Variants in CCDC30 observed in about 807,000 individuals in gnomAD.
CCDC30 encodes the protein coiled-coil domain containing 30, also known as coiled-coil domain-containing protein 30.
A neutral mutation model predicts 100.2 loss-of-function variants in CCDC30; 70 were observed. The ratio of observed to expected loss-of-function variants is 0.70; its 90% CI spans 0.58 to 0.85. The LOEUF (loss-of-function observed/expected upper bound fraction) is 0.85. Among genes scored for constraint, CCDC30 ranks in the 40% least tolerant of loss-of-function variants. The pLI is 0.00. For synonymous variants in CCDC30, 233 were observed against 269.5 expected (o/e 0.86, Z 1.33); for missense variants, 652 against 771.2 (o/e 0.85, Z 1.83).
At chr1:42,462,896 A>G (rs140541778), upstream of CCDC30, among the ~76,000 whole-genome samples, 1 of 152,350 alleles carries the variant, frequency 6.6e-6, no homozygotes, top group African/African-American at 2.4e-5. Flanking sequence ...GACACGATCT[A>G]GGCCTAAAAT....
At chr1:42,609,887 A>T (rs1646583758) in intron 10 of CCDC30, among the ~76,000 whole-genome samples, 1 of 152,216 alleles carries the variant, frequency 6.6e-6, no homozygotes. Flanking sequence ...CTCACATAAG[A>T]GACCTAGCAA....
At chr1:42,513,926 G>A (rs1337246064) in intron 6 of CCDC30, among the ~76,000 whole-genome samples, 1 of 152,134 alleles carries the variant, frequency 6.6e-6, no homozygotes, top group Non-Finnish European at 1.5e-5. Flanking sequence ...TGGTGAGAGA[G>A]GGGGAAGGGC....
chr1:42,509,784 A>G (rs1194070117), intron 6 of CCDC30, among the ~76,000 whole-genome samples: 2 of 152,184 alleles, frequency 1.3e-5, no homozygotes, highest in Admixed American at 1.3e-4. Context: ...CTCTTTCATT[A>G]ATTAAAACTT....
intron 6 of CCDC30, among the ~76,000 whole-genome samples, chr1:42,531,130 T>G (rs1019234397): frequency 1.4e-4 from 13 of 92,984 alleles, no homozygotes; most frequent in African/African-American, 4.2e-4. Context: ...GCTGTTTTAG[T>G]AATAGTGAGT....
chr1:42,459,521 T>A, upstream of CCDC30: 1 of 1,200,392 alleles, frequency 8.3e-7, no homozygotes, highest in African/African-American at 1.5e-5. Context: ...CCACTTAAAT[T>A]TAATTCCTTA....
At chr1:42,456,407 A>C in the CCDC30 span, 1 of 823,158 alleles carries the variant, frequency 1.2e-6, no homozygotes, top group East Asian at 2.8e-5. Context: ...GGGGCAGAAC[A>C]ACTACGCATT....
At chr1:42,470,002 C>T (rs1643715422) in intron 1 of CCDC30, among the ~76,000 whole-genome samples, 1 of 152,156 alleles carries the variant, frequency 6.6e-6, no homozygotes, top group African/African-American at 2.4e-5. Flanking sequence ...ATTTTGTTCT[C>T]TATCGGCACT....
chr1:42,610,951 T>C lies in CCDC30; in HGVS notation c.1165-27T>C, dbSNP rs769976957. ...ACATCATACCTTTGTCAGGTCAGAG[T>C]TCTCATTATTTTTCAATGTTTTTCA... On this transcript the variant is annotated intron_variant, in intron 10 of 16. Coordinates refer to ENST00000668663, the Ensembl canonical transcript of CCDC30. The C allele has an allele frequency of 2.5e-5, 30 of 1,196,852 alleles. No homozygotes were observed. In the Middle Eastern group the frequency reaches 7.6e-4, roughly 30 times the overall value. The allele number at this position is 1,196,852 out of a possible 1,614,324, so 74.1% of individuals were successfully genotyped here. A position where few individuals can be genotyped will look rare whatever the true frequency, so the allele number is the denominator to read the frequency against.
intron 10 of CCDC30, among the ~76,000 whole-genome samples, chr1:42,608,702 C>A (rs1646556670): frequency 1.5e-5 from 2 of 136,604 alleles, no homozygotes; most frequent in African/African-American, 5.5e-5. Flanking sequence ...GAGCGCGACT[C>A]CGTCTCTCTG....
chr1:42,652,995 C>A (rs1258765511), intron 15 of CCDC30, among the ~76,000 whole-genome samples: 1 of 152,036 alleles, frequency 6.6e-6, no homozygotes, highest in Non-Finnish European at 1.5e-5. Context: ...TTAGAAAGCA[C>A]TGAATTGAAC....
chr1:42,562,477 A>G lies in CCDC30; in HGVS notation c.457-3819A>G, dbSNP rs147580703. Among the ~76,000 whole-genome samples, 77 of 152,358 alleles carry G rather than the reference A, an allele frequency of 5.1e-4. 1 individual carries two copies. In the East Asian group the frequency reaches 0.014, roughly 27 times the overall value. On this transcript the variant is annotated intron_variant, in intron 6 of 16. Transcript: ENST00000668663. ...AACTCAAGATGGATTAAAGACTTAA[A>G]TGTAAAACTCAAAACCACAATAACC...
intron 6 of CCDC30, among the ~76,000 whole-genome samples, chr1:42,550,529 T>C (rs1645230252): frequency 6.6e-6 from 1 of 152,228 alleles, no homozygotes; most frequent in African/African-American, 2.4e-5. Context: ...TAAAGGACTT[T>C]CCTGCTTCAG....
chr1:42,581,013 A>AT lies in CCDC30; in HGVS notation c.847-340dup, dbSNP rs1645953338. On this transcript the variant is annotated intron_variant, in intron 8 of 16. Coordinates refer to ENST00000668663, the Ensembl canonical transcript of CCDC30. The stretch of plus-strand genomic sequence containing the variant: ...ACCACCACGCCCGGCTAATTTTTGT[A>AT]TTTTTTTGTAAATATGGGGTTTTAC... 1.1e-5 allele frequency: 4 copies of AT among 359,912 alleles called. No homozygotes were observed. In the Admixed American group the frequency reaches 1.1e-4, roughly 10 times the overall value. The allele number at this position is 359,912 out of a possible 1,614,324, so 22.3% of individuals were successfully genotyped here. A position where few individuals can be genotyped will look rare whatever the true frequency, so the allele number is the denominator to read the frequency against.
rs897203909 is a variant in CCDC30, at chr1:42,576,135, T to C, written c.637-885T>C. On this transcript the variant is annotated intron_variant, in intron 7 of 16. Coordinates refer to ENST00000668663, the Ensembl canonical transcript of CCDC30. ...GGTGTCAAGTAGTTCAATTTATGTTTTTAAAAGAAAATTTGGCCACAGCAT... is the reference window on the plus strand; with the variant it reads ...GGTGTCAAGTAGTTCAATTTATGTTCTTAAAAGAAAATTTGGCCACAGCAT... Among the ~76,000 whole-genome samples, 6 of 152,324 alleles carry C rather than the reference T, an allele frequency of 3.9e-5. No homozygotes were observed. The East Asian group carries it at 1.2e-3, about 29-fold the overall frequency.
chr1:42,520,199 G>A (rs1022829523), intron 6 of CCDC30, among the ~76,000 whole-genome samples: 2 of 151,798 alleles, frequency 1.3e-5, no homozygotes, highest in African/African-American at 4.8e-5. Context: ...AAGTTAGCTT[G>A]TTGATTTGAG....
At chr1:42,572,182 T>C (rs1224983853) in intron 7 of CCDC30, among the ~76,000 whole-genome samples, 7 of 152,210 alleles carry the variant, frequency 4.6e-5, no homozygotes, top group Non-Finnish European at 7.3e-5. Context: ...CTTGGAACTG[T>C]CAGACGTTAA....
At chr1:42,552,890 C>T (rs1645282732) in intron 6 of CCDC30, among the ~76,000 whole-genome samples, 4 of 152,108 alleles carry the variant, frequency 2.6e-5, no homozygotes, top group Admixed American at 2.6e-4. Context: ...AACTCACCAC[C>T]TGGTCTCCCC....
At chr1:42,526,088 T>G (rs931468950) in intron 6 of CCDC30, among the ~76,000 whole-genome samples, 1 of 152,198 alleles carries the variant, frequency 6.6e-6, no homozygotes, top group African/African-American at 2.4e-5. Context: ...CTCCTTTCTC[T>G]GTCTCCTCAA....
upstream of CCDC30, among the ~76,000 whole-genome samples, chr1:42,461,541 A>T (rs372345305): frequency 3.9e-3 from 573 of 145,866 alleles, 1 homozygote; most frequent in African/African-American, 0.013. Context: ...TTACTATGTT[A>T]CCCAGGCTCT....
Sources: allele counts gnomAD v4.1 joint callset (sites outside exome capture counted in the v4.1 genomes callset), GRCh38; gene constraint gnomAD v4.1.1; transcripts MANE v1.5; gene names NCBI Gene and HGNC (gene_info 2026-07-23, HGNC 2026-07-21).